XKR4: variants seen among roughly 807,000 people sequenced by gnomAD.
XKR4 encodes the protein XK related 4, also known as XK-related protein 4.
XKR4 carries 12 observed loss-of-function variants against 53.9 expected under a neutral mutation model. That is an observed-to-expected ratio of 0.22 (90% CI 0.14 to 0.36). The LOEUF is 0.36. XKR4 is among the 10% of genes least tolerant of loss of function. The pLI, the probability that XKR4 is intolerant of heterozygous loss-of-function variation, is 1.00. For synonymous variants in XKR4, 354 were observed against 362.4 expected (o/e 0.98, Z 0.26); for missense variants, 799 against 859.5 (o/e 0.93, Z 0.88).
intron 2 of XKR4, among the ~76,000 whole-genome samples, chr8:55,475,864 G>T (rs562524769): frequency 2.6e-5 from 4 of 151,974 alleles, no homozygotes; most frequent in Non-Finnish European, 5.9e-5. Flanking sequence ...GCCTCCCAAA[G>T]TGCTGGGATT....
intron 1 of XKR4, among the ~76,000 whole-genome samples, chr8:55,133,182 A>G (rs1441323105): frequency 1.3e-5 from 2 of 152,266 alleles, no homozygotes; most frequent in African/African-American, 4.8e-5. Context: ...GAAAACAGCC[A>G]CAAACTTATG....
At position 55,449,294 on chromosome 8, in the gene XKR4, T is replaced by G. The variant is rs565808449; in HGVS notation, c.1007-73987T>G. On this transcript the variant is annotated intron_variant, in intron 2 of 2. Coordinates refer to ENST00000327381, the MANE Select transcript of XKR4 (RefSeq NM_052898.2). ...CATTGCGGGCTGTACTTTGGCCACCTCCCGGCACGGTGCTCAGCTGTGACG... is the reference window on the plus strand; with the variant it reads ...CATTGCGGGCTGTACTTTGGCCACCGCCCGGCACGGTGCTCAGCTGTGACG... 3.9e-5 allele frequency among the ~76,000 whole-genome samples: 6 copies of G among 152,270 alleles called. No homozygotes were observed. The South Asian group carries it at 1.2e-3, about 32-fold the overall frequency.
At chr8:55,397,521 T>C (rs138572554) in intron 2 of XKR4, among the ~76,000 whole-genome samples, 75 of 151,914 alleles carry the variant, frequency 4.9e-4, no homozygotes, top group African/African-American at 1.7e-3. Flanking sequence ...AACAACCAGG[T>C]TGAATACTGT....
chr8:55,102,885 G>T lies in XKR4; in HGVS notation c.397G>T (p.Ala133Ser), dbSNP rs1469524803. 6.2e-7 allele frequency: 1 copy of T among 1,612,108 alleles called. No homozygotes were observed. Among genetic ancestry groups the T allele is most frequent in the East Asian group, 2.2e-5 (1 of 44,868 alleles). The change falls in exon 1 of 3, where the codon GCC (alanine) becomes TCC (serine). Residue 133 changes from alanine (A) to serine (S), a missense_variant. Physicochemically the swap from Ala to Ser is moderately conservative, Grantham distance 99 (BLOSUM62 1). Transcript: ENST00000327381. This position sits in a 1 kb window ranked among gnomAD's most constrained non-coding sequence, Gnocchi z 5.1. ...FADVGTDVWL[A>S]VDYYLRGQRW... ...GGACGTGGGCACAGACGTCTGGCTCGCCGTGGACTACTACCTGCGCGGCCA... is the reference window on the plus strand; with the variant it reads ...GGACGTGGGCACAGACGTCTGGCTCTCCGTGGACTACTACCTGCGCGGCCA...
chr8:55,448,361 C>T (rs1805375438), intron 2 of XKR4, among the ~76,000 whole-genome samples: 1 of 152,160 alleles, frequency 6.6e-6, no homozygotes, highest in Non-Finnish European at 1.5e-5. Context: ...TTATGAAAAA[C>T]AAAGCTTAGT....
intron 2 of XKR4, among the ~76,000 whole-genome samples, chr8:55,395,701 C>G (rs575271776): frequency 1.3e-5 from 2 of 151,966 alleles, no homozygotes; most frequent in East Asian, 1.9e-4. Flanking sequence ...AGTTGGGAGG[C>G]TTTTAGGTAG....
At chr8:55,184,421 G>A (rs564553863) in intron 1 of XKR4, among the ~76,000 whole-genome samples, 46 of 152,224 alleles carry the variant, frequency 3.0e-4, no homozygotes, top group African/African-American at 8.2e-4. Flanking sequence ...ATTACTCAGC[G>A]CAACTTGTGC....
rs376992673 is a variant in XKR4, at chr8:55,424,258, C to T, written c.1006+66381C>T. ...AAAAGTCATATTTACATCCTCTATG[C>T]GTTACAAAAAGTACTTGTTTTAGAC... On this transcript the variant is annotated intron_variant, in intron 2 of 2. Coordinates refer to ENST00000327381, the MANE Select transcript of XKR4 (RefSeq NM_052898.2). Among the ~76,000 whole-genome samples the T allele has an allele frequency of 5.3e-5, 8 of 152,314 alleles. 1 individual carries two copies. The highest frequency in any genetic ancestry group is 4.1e-4 in the South Asian group (2 of 4,830).
intron 1 of XKR4, among the ~76,000 whole-genome samples, chr8:55,158,388 T>C (rs1223570409): frequency 6.6e-6 from 1 of 152,214 alleles, no homozygotes; most frequent in African/African-American, 2.4e-5. Context: ...CCTTATAGAT[T>C]CTGGATGTTA....
intron 2 of XKR4, among the ~76,000 whole-genome samples, chr8:55,433,459 C>T (rs748284122): frequency 8.5e-5 from 13 of 152,128 alleles, no homozygotes; most frequent in Non-Finnish European, 1.3e-4. Flanking sequence ...CTTTTTTATA[C>T]TCTCATTTTC....
intron 2 of XKR4, among the ~76,000 whole-genome samples, chr8:55,505,424 A>G (rs1440165092): frequency 6.6e-6 from 1 of 152,160 alleles, no homozygotes; most frequent in African/African-American, 2.4e-5. Flanking sequence ...GATGGCACAC[A>G]CCCATAGTCC....
intron 2 of XKR4, among the ~76,000 whole-genome samples, chr8:55,435,434 G>A (rs1585571282): frequency 1.3e-5 from 2 of 152,146 alleles, no homozygotes; most frequent in East Asian, 3.9e-4. Flanking sequence ...TCAGCATAAA[G>A]GGTCCAGCAT....
intron 1 of XKR4, among the ~76,000 whole-genome samples, chr8:55,267,528 AG>A (rs1818625087): frequency 6.6e-6 from 1 of 152,188 alleles, no homozygotes; most frequent in Non-Finnish European, 1.5e-5. Context: ...CCCAAAGCAA[AG>A]GGACTTATTA....
At chr8:55,279,227 G>A (rs1818804233) in intron 1 of XKR4, among the ~76,000 whole-genome samples, 1 of 152,190 alleles carries the variant, frequency 6.6e-6, no homozygotes, top group South Asian at 2.1e-4. Flanking sequence ...AAGCTTTCAA[G>A]TGAAGCTTGA....
At chr8:55,132,499 T>C (rs1298398371) in intron 1 of XKR4, among the ~76,000 whole-genome samples, 1 of 152,204 alleles carries the variant, frequency 6.6e-6, no homozygotes, top group Non-Finnish European at 1.5e-5. Flanking sequence ...CAATATACTG[T>C]AATAAAAGTT....
chr8:55,333,210 A>C (rs2129380987), intron 1 of XKR4, among the ~76,000 whole-genome samples: 1 of 152,048 alleles, frequency 6.6e-6, no homozygotes, highest in African/African-American at 2.4e-5. Context: ...TTGTTTAGTA[A>C]GTCTGATGCC....
chr8:55,345,487 G>A (rs905631018), intron 1 of XKR4, among the ~76,000 whole-genome samples: 2 of 152,140 alleles, frequency 1.3e-5, no homozygotes, highest in East Asian at 3.9e-4. Flanking sequence ...TATCTAGGAA[G>A]GAGATGGAGG....
At chr8:55,240,090 G>A (rs1818188681) in intron 1 of XKR4, among the ~76,000 whole-genome samples, 1 of 152,168 alleles carries the variant, frequency 6.6e-6, no homozygotes, top group African/African-American at 2.4e-5. Context: ...TAAGGCAGGG[G>A]TCATGTTCTT....
At chr8:55,336,666 A>G (rs1803465757) in intron 1 of XKR4, among the ~76,000 whole-genome samples, 1 of 152,198 alleles carries the variant, frequency 6.6e-6, no homozygotes, top group African/African-American at 2.4e-5. Flanking sequence ...AATGACAACT[A>G]AAATAATGCA....
Sources: gnomAD v4.1 joint callset for allele counts (sites outside exome capture counted in the v4.1 genomes callset) on GRCh38, gnomAD v4.1.1 for gene constraint, Gnocchi (gnomAD v3.1) non-coding constraint, MANE v1.5 for transcripts, NCBI Gene and HGNC (gene_info 2026-07-23, HGNC 2026-07-21) for gene names.